Variants in MAD1L1 observed in about 807,000 individuals in gnomAD.
The protein encoded by MAD1L1 is mitotic spindle assembly checkpoint protein MAD1.
Under a neutral mutation model 96.9 loss-of-function variants are expected in MAD1L1, and 95 were observed. That is an observed-to-expected ratio of 0.98 (90% CI 0.83 to 1.16). The LOEUF (loss-of-function observed/expected upper bound fraction) is 1.16. Ranked by LOEUF, MAD1L1 falls within the 50% of genes most tolerant of loss-of-function variation. The pLI is 0.00. For synonymous variants in MAD1L1, 473 were observed against 396.6 expected (o/e 1.19, Z -2.29); for missense variants, 1,007 against 954.4 (o/e 1.06, Z -0.73).
intron 18 of MAD1L1, among the ~76,000 whole-genome samples, chr7:1,876,814 G>A (rs1210759238): frequency 6.7e-6 from 1 of 149,474 alleles, no homozygotes; most frequent in Non-Finnish European, 1.5e-5. Flanking sequence ...TGCCAGGGCT[G>A]CCCGGTCTTT....
chr7:2,151,427 G>C (rs1047330789), intron 10 of MAD1L1, among the ~76,000 whole-genome samples: 2 of 152,166 alleles, frequency 1.3e-5, no homozygotes, highest in Non-Finnish European at 2.9e-5. Flanking sequence ...ACCTGAAACA[G>C]CAGGAGGCCA....
chr7:1,980,582 G>A (rs779016725), intron 14 of MAD1L1, 41 bp from the exon 15 acceptor site: 23 of 1,521,558 alleles, frequency 1.5e-5, no homozygotes, highest in East Asian at 2.3e-5. Flanking sequence ...AGACACGAGC[G>A]CACCCAGGTG....
intron 10 of MAD1L1, chr7:2,193,624 CA>C (rs1157335488): frequency 6.6e-6 from 1 of 152,284 alleles, no homozygotes; most frequent in Non-Finnish European, 1.5e-5. Context: ...ACCCTGGGAG[CA>C]AATTTATAAG....
At chr7:2,183,214 A>G (rs1349908548) in intron 10 of MAD1L1, among the ~76,000 whole-genome samples, 1 of 147,732 alleles carries the variant, frequency 6.8e-6, no homozygotes, top group Non-Finnish European at 1.5e-5. Flanking sequence ...CTCTGCCTCA[A>G]AAAAAAAAAA....
chr7:2,227,331 C>G (rs142911426), intron 3 of MAD1L1, among the ~76,000 whole-genome samples: 1 of 152,170 alleles, frequency 6.6e-6, no homozygotes, highest in Non-Finnish European at 1.5e-5. Flanking sequence ...TAGACACATT[C>G]TCAGGGCGTT....
intron 18 of MAD1L1, among the ~76,000 whole-genome samples, chr7:1,816,477 G>T (rs1383330768): frequency 3.3e-5 from 5 of 152,186 alleles, no homozygotes; most frequent in Non-Finnish European, 7.4e-5. Context: ...CCCAGGCACT[G>T]TGGGGTGTGC....
At chr7:2,090,260 C>T (rs1478035554) in intron 11 of MAD1L1, among the ~76,000 whole-genome samples, 2 of 152,188 alleles carry the variant, frequency 1.3e-5, no homozygotes, top group African/African-American at 4.8e-5. Flanking sequence ...CACCGGCGCT[C>T]GGGGAGGGGC....
At position 1,936,723 on chromosome 7, in the gene MAD1L1, C is replaced by G; in HGVS notation, c.1771G>C (p.Ala591Pro). The change falls in exon 17 of 19, where the codon GCC becomes CCC. Residue 591 changes from alanine to proline, a missense_variant. Ala to Pro is a conservative substitution (Grantham distance 27, BLOSUM62 -1). Coordinates refer to ENST00000265854, the MANE Select transcript of MAD1L1 (RefSeq NM_001013836.2). ...TTGGACGATGGCAGACTCGCGGCGG[C>G]AGCCTCAAGGTCGGCTGGGACGGTG... ...GGTVPADLEA[A>P]AASLPSSKEV... The G allele has an allele frequency of 6.4e-7, 1 of 1,561,588 alleles. No homozygotes were observed. The highest frequency in any genetic ancestry group is 8.7e-7 in the Non-Finnish European group (1 of 1,154,124).
intron 18 of MAD1L1, chr7:1,816,841 T>G (rs899636636): frequency 3.3e-5 from 5 of 151,774 alleles, no homozygotes; most frequent in African/African-American, 7.3e-5. Context: ...CTGGGCTGTG[T>G]GGGGAGTGGA....
At chr7:2,167,149 C>T (rs531679116) in intron 10 of MAD1L1, among the ~76,000 whole-genome samples, 10 of 152,256 alleles carry the variant, frequency 6.6e-5, no homozygotes, top group African/African-American at 2.2e-4. Flanking sequence ...CACTGGGCAA[C>T]GGAGGTGCTG....
intron 18 of MAD1L1, among the ~76,000 whole-genome samples, chr7:1,897,586 C>A (rs1224580620): frequency 6.6e-6 from 1 of 152,254 alleles, no homozygotes; most frequent in Non-Finnish European, 1.5e-5. Context: ...AGGGTCAACA[C>A]ATAACACCCC....
intron 11 of MAD1L1, among the ~76,000 whole-genome samples, chr7:2,113,593 A>G (rs1240353398): frequency 1.3e-5 from 2 of 152,192 alleles, no homozygotes. Flanking sequence ...AAAATAAAAT[A>G]AAATAAATAG....
At chr7:1,932,260 G>A (rs1198471129) in intron 17 of MAD1L1, among the ~76,000 whole-genome samples, 1 of 152,232 alleles carries the variant, frequency 6.6e-6, no homozygotes. Context: ...CAGAACCTCT[G>A]GCCTGTTCTG....
intron 14 of MAD1L1, among the ~76,000 whole-genome samples, chr7:1,984,036 C>T (rs1781040664): frequency 6.6e-6 from 1 of 152,172 alleles, no homozygotes; most frequent in African/African-American, 2.4e-5. Context: ...TATTTACATG[C>T]TTTCTTGTTC....
chr7:1,960,189 C>G (rs1484230135), intron 15 of MAD1L1, among the ~76,000 whole-genome samples: 1 of 146,366 alleles, frequency 6.8e-6, no homozygotes, highest in East Asian at 2.0e-4. Context: ...AGCTAAGATG[C>G]CAAAAAAGGA....
chr7:2,155,514 C>T (rs1452506728), intron 10 of MAD1L1, among the ~76,000 whole-genome samples: 1 of 152,148 alleles, frequency 6.6e-6, no homozygotes. Context: ...TACTACCTTC[C>T]GTCTCTAAGA....
At chr7:1,949,425 C>CG (rs1392280181) in intron 16 of MAD1L1, among the ~76,000 whole-genome samples, 2 of 152,212 alleles carry the variant, frequency 1.3e-5, no homozygotes, top group Admixed American at 1.3e-4. Context: ...GAACTCCATC[C>CG]CTGTCTGAGG....
chr7:1,987,685 G>C (rs948956429), intron 14 of MAD1L1, among the ~76,000 whole-genome samples: 1 of 152,208 alleles, frequency 6.6e-6, no homozygotes, highest in African/African-American at 2.4e-5. Context: ...GGCCACGGCC[G>C]CCCGGCAGCC....
At position 1,906,517 on chromosome 7, in the gene MAD1L1, C is replaced by A. The variant is rs1456259054; in HGVS notation, c.1808-8127G>T. On this transcript the variant is annotated intron_variant, in intron 17 of 18. Transcript: ENST00000265854. ...TCCTGCACCCTGCTTCTCCATCGCTCCAGTCTCTGGCTCCTGTTCTCCGCA... is the reference window on the plus strand; with the variant it reads ...TCCTGCACCCTGCTTCTCCATCGCTACAGTCTCTGGCTCCTGTTCTCCGCA... 3.3e-5 allele frequency among the ~76,000 whole-genome samples: 5 copies of A among 152,272 alleles called. No homozygotes were observed. The East Asian group carries it at 9.6e-4, about 29-fold the overall frequency.
Sources: allele counts gnomAD v4.1 joint callset (sites outside exome capture counted in the v4.1 genomes callset), GRCh38; gene constraint gnomAD v4.1.1; transcripts MANE v1.5; gene names NCBI Gene and HGNC (gene_info 2026-07-23, HGNC 2026-07-21).